CACNG8: variants seen among roughly 807,000 people sequenced by gnomAD.
The protein encoded by CACNG8 is voltage-dependent calcium channel gamma-8 subunit.
CACNG8 carries 5 observed loss-of-function variants against 26.9 expected under a neutral mutation model. The ratio of observed to expected loss-of-function variants is 0.19; its 90% CI spans 0.10 to 0.39. The LOEUF is 0.39. CACNG8 is among the 10% of genes least tolerant of loss of function. The pLI, the probability that CACNG8 is intolerant of heterozygous loss-of-function variation, is 1.00. For synonymous variants in CACNG8, 321 were observed against 296.7 expected (o/e 1.08, Z -0.84); for missense variants, 473 against 609.4 (o/e 0.78, Z 2.36).
intron 3 of CACNG8, 91 bp downstream of exon 3, chr19:53,980,098 G>GCC: frequency 7.6e-7 from 1 of 1,312,036 alleles, no homozygotes; most frequent in Non-Finnish European, 1.0e-6. Context: ...GCGCGCGCGC[G>GCC]TGAGTGCAAG....
At chr19:53,971,914 TCAC>T (rs1210624310) in intron 1 of CACNG8, among the ~76,000 whole-genome samples, 1 of 151,902 alleles carries the variant, frequency 6.6e-6, no homozygotes, top group African/African-American at 2.4e-5. Context: ...GGCCATGACA[TCAC>T]CATCCATGCA....
At chr19:53,979,732 C>G in intron 2 of CACNG8, 135 bp from the exon 3 acceptor site, 1 of 886,860 alleles carries the variant, frequency 1.1e-6, no homozygotes. Flanking sequence ...TAAAATAAAC[C>G]AGAACACAGC....
In CACNG8 at chr19:53,988,946, T is replaced by G. The variant is rs2069423678; in HGVS notation, c.*6097T>G. ...AAGAACACGTTTTCATCATTCATTTTCAGAAATAAACATTCACTCAGTTCT... is the reference window on the plus strand; with the variant it reads ...AAGAACACGTTTTCATCATTCATTTGCAGAAATAAACATTCACTCAGTTCT... On this transcript the variant is annotated 3_prime_UTR_variant, in exon 4 of 4. Coordinates refer to ENST00000270458, the MANE Select transcript of CACNG8 (RefSeq NM_031895.6). The G allele has an allele frequency of 6.6e-6, 1 of 152,202 alleles. No individual in the cohort carries two copies. The highest frequency in any genetic ancestry group is 2.4e-5 in the African/African-American group (1 of 41,418). The allele number at this position is 152,202 out of a possible 1,614,324, so 9.4% of individuals were successfully genotyped here. A position where few individuals can be genotyped will look rare whatever the true frequency, so the allele number is the denominator to read the frequency against.
chr19:53,978,504 ACT>A (rs773043446), intron 2 of CACNG8, among the ~76,000 whole-genome samples: 1 of 150,984 alleles, frequency 6.6e-6, no homozygotes, highest in Non-Finnish European at 1.5e-5. Flanking sequence ...CCTCGCGGCG[ACT>A]CTGCGCCGTG....
chr19:53,982,435 C>T lies in CACNG8; in HGVS notation c.864C>T (p.Asp288=). 6 of 1,518,768 alleles carry T rather than the reference C, an allele frequency of 4.0e-6. No individual in the cohort carries two copies. Among genetic ancestry groups the T allele is most frequent in the Middle Eastern group, 2.1e-4 (1 of 4,716 alleles). 94.1% of individuals were successfully genotyped at this position (1,518,768 alleles called of 1,614,324 possible). Residue 288 remains aspartate (D), a synonymous_variant, in exon 4 of 4, where the codon GAC becomes GAT. Transcript: ENST00000270458. The surrounding 1 kb of genome is among the most constrained non-coding windows in gnomAD (Gnocchi z 8.4). ...CCAGCGAGCCGTCGCCGTCGCGGGACGCGTCTCCCGGCGGCCCCGGGGGCC... is the reference window on the plus strand; with the variant it reads ...CCAGCGAGCCGTCGCCGTCGCGGGATGCGTCTCCCGGCGGCCCCGGGGGCC...
intron 1 of CACNG8, among the ~76,000 whole-genome samples, chr19:53,972,897 T>A (rs1419507020): frequency 6.6e-6 from 1 of 152,178 alleles, no homozygotes; most frequent in Non-Finnish European, 1.5e-5. Context: ...CAAACCGAGC[T>A]GTGCTGGAAG....
rs1406597798 is a variant in CACNG8, at chr19:53,990,182, G to A, written c.*7333G>A. ...CTGAAACTGCATGGAAGGTCCCCCA[G>A]GGGTGCCCCGTCTAATAAACTCGAT... On this transcript the variant is annotated 3_prime_UTR_variant, in exon 4 of 4. Transcript: ENST00000270458. The A allele has an allele frequency of 6.6e-6, 1 of 152,544 alleles. No homozygotes were observed. Among genetic ancestry groups the A allele is most frequent in the Non-Finnish European group, 1.5e-5 (1 of 68,412 alleles). 9.4% of individuals were successfully genotyped at this position (152,544 alleles called of 1,614,324 possible). A position where few individuals can be genotyped will look rare whatever the true frequency, so the allele number is the denominator to read the frequency against.
chr19:53,979,462 G>C (rs2069350936), intron 2 of CACNG8, among the ~76,000 whole-genome samples: 1 of 151,834 alleles, frequency 6.6e-6, no homozygotes, highest in Non-Finnish European at 1.5e-5. Flanking sequence ...GAGAGAGGTA[G>C]TAAGTGATTT....
chr19:53,964,833 C>T (rs2069263315), intron 1 of CACNG8, among the ~76,000 whole-genome samples: 1 of 152,200 alleles, frequency 6.6e-6, no homozygotes, highest in African/African-American at 2.4e-5. Flanking sequence ...CCACTGTCTT[C>T]CCTCCTGCAC....
intron 1 of CACNG8, among the ~76,000 whole-genome samples, chr19:53,974,570 C>A (rs1298717823): frequency 6.6e-6 from 1 of 152,156 alleles, no homozygotes; most frequent in East Asian, 1.9e-4. Flanking sequence ...TATATTTCTA[C>A]CAACAGTGCA....
chr19:53,978,094 GC>G, intron 1 of CACNG8, 51 bp from the exon 2 acceptor site: 2 of 881,344 alleles, frequency 2.3e-6, no homozygotes, highest in East Asian at 2.9e-5. Context: ...GGGTTGCCCC[GC>G]CCCCAACCCT....
intron 2 of CACNG8, among the ~76,000 whole-genome samples, chr19:53,978,847 C>T (rs34012356): frequency 0.5 from 62,355 of 123,850 alleles, 16,349 homozygotes; most frequent in African/African-American, 0.69. Context: ...GAGAGATAGA[C>T]GAAGTCAGGC....
chr19:53,964,507 C>T (rs1473612997), intron 1 of CACNG8, among the ~76,000 whole-genome samples: 3 of 152,048 alleles, frequency 2.0e-5, no homozygotes, highest in Non-Finnish European at 4.4e-5. Flanking sequence ...CCACTCATGC[C>T]TCCTTCGACG....
At chr19:53,976,151 C>A (rs1016800903) in intron 1 of CACNG8, among the ~76,000 whole-genome samples, 1 of 152,152 alleles carries the variant, frequency 6.6e-6, no homozygotes, top group South Asian at 2.1e-4. Flanking sequence ...TCAAGACCAG[C>A]CTGGGCAAAG....
Position 53,978,194 on chromosome 19 carries a change from C to T in CACNG8, c.332C>T (p.Thr111Met). 1 of 1,613,102 alleles carries T rather than the reference C, an allele frequency of 6.2e-7. No individual in the cohort carries two copies. Among genetic ancestry groups the T allele is most frequent in the East Asian group, 2.2e-5 (1 of 44,868 alleles). Reference sequence around the variant, plus strand: ...AAGATCAATCATTTCCCGGAGGACACGGACTACGACCACGACAGCGCGGAG... The same window carrying T: ...AAGATCAATCATTTCCCGGAGGACATGGACTACGACCACGACAGCGCGGAG... Residue 111 changes from threonine (T) to methionine (M), a missense_variant, in exon 2 of 4, where the codon ACG becomes ATG. Thr to Met is a moderately conservative substitution (Grantham distance 81). Around this residue, in one of 6 missense-constraint regions of CACNG8, gnomAD observed 155 missense variants for 253.0 expected, o/e 0.61. Transcript: ENST00000270458.
chr19:53,973,198 T>C (rs2069312280), intron 1 of CACNG8, among the ~76,000 whole-genome samples: 1 of 152,118 alleles, frequency 6.6e-6, no homozygotes, highest in African/African-American at 2.4e-5. Context: ...CACGAATATT[T>C]TGAGAGAATT....
At chr19:53,963,543 C>G (rs2069255303) in intron 1 of CACNG8, 118 bp downstream of exon 1, 1 of 1,040,210 alleles carries the variant, frequency 9.6e-7, no homozygotes, top group Non-Finnish European at 1.3e-6. Context: ...CCTCCTCTGC[C>G]AGAGGGGCTT....
chr19:53,972,265 G>A (rs1300747659), intron 1 of CACNG8, among the ~76,000 whole-genome samples: 2 of 151,556 alleles, frequency 1.3e-5, no homozygotes, highest in Non-Finnish European at 2.9e-5. Context: ...CAAAGTGCTG[G>A]GATTACAGCT....
chr19:53,965,024 C>A (rs1346423290), intron 1 of CACNG8, among the ~76,000 whole-genome samples: 2 of 152,146 alleles, frequency 1.3e-5, no homozygotes, highest in African/African-American at 4.8e-5. Flanking sequence ...CTCGTTTAAT[C>A]CTATGAGGTG....
Sources: allele counts gnomAD v4.1 joint callset (sites outside exome capture counted in the v4.1 genomes callset), GRCh38; gene constraint gnomAD v4.1.1; regional missense constraint gnomAD v4.1.1; non-coding constraint Gnocchi (gnomAD v3.1); transcripts MANE v1.5; gene names NCBI Gene and HGNC (gene_info 2026-07-23, HGNC 2026-07-21).